The following CLNK variants were observed in gnomAD, a reference collection of about 807,000 sequenced individuals.
CLNK encodes cytokine dependent hematopoietic cell linker, also known as cytokine-dependent hematopoietic cell linker.
A neutral mutation model predicts 68.6 loss-of-function variants in CLNK; 74 were observed. That is an observed-to-expected ratio of 1.08 (90% CI 0.89 to 1.31). CLNK has a LOEUF of 1.31. Ranked by LOEUF, CLNK falls within the 50% of genes most tolerant of loss-of-function variation. The probability of loss-of-function intolerance (pLI) is 0.00; values close to 1 mark genes in which losing one functional copy is unlikely to be tolerated. For synonymous variants in CLNK, 198 were observed against 172.2 expected (o/e 1.15, Z -1.17); for missense variants, 553 against 515.3 (o/e 1.07, Z -0.71).
chr4:10,656,140 T>A (rs538007499), intron 2 of CLNK, among the ~76,000 whole-genome samples: 7 of 152,080 alleles, frequency 4.6e-5, no homozygotes, highest in Non-Finnish European at 8.8e-5. Flanking sequence ...GATCTCATGT[T>A]AAGTTTCTTT....
At chr4:10,495,028 G>A (rs1015154031) in intron 18 of CLNK, among the ~76,000 whole-genome samples, 1 of 151,896 alleles carries the variant, frequency 6.6e-6, no homozygotes. Context: ...AGGAAAGGGG[G>A]AGAAAAGAGA....
At chr4:10,643,632 C>T (rs1023096803) in intron 2 of CLNK, among the ~76,000 whole-genome samples, 74 of 152,330 alleles carry the variant, frequency 4.9e-4, no homozygotes, top group Admixed American at 4.6e-3. Flanking sequence ...AGGGGCTACG[C>T]CAGTATCCCC....
intron 1 of CLNK, among the ~76,000 whole-genome samples, chr4:10,682,654 A>C (rs1725137449): frequency 6.6e-6 from 1 of 152,210 alleles, no homozygotes; most frequent in Non-Finnish European, 1.5e-5. Flanking sequence ...GTAAAGTCAC[A>C]CACTAGATTC....
At chr4:10,584,291 C>T (rs1462845112) in intron 4 of CLNK, among the ~76,000 whole-genome samples, 1 of 152,168 alleles carries the variant, frequency 6.6e-6, no homozygotes, top group Non-Finnish European at 1.5e-5. Flanking sequence ...CCTTATGACT[C>T]CATCGCTTCT....
chr4:10,569,978 A>G (rs1367091302), intron 5 of CLNK, among the ~76,000 whole-genome samples: 1 of 152,018 alleles, frequency 6.6e-6, no homozygotes, highest in Non-Finnish European at 1.5e-5. Context: ...CCCAGGACAA[A>G]GCAAAGCAAA....
intron 18 of CLNK, among the ~76,000 whole-genome samples, chr4:10,491,833 T>C (rs1716587143): frequency 6.6e-6 from 1 of 152,132 alleles, no homozygotes; most frequent in Non-Finnish European, 1.5e-5. Flanking sequence ...GGATGAATTG[T>C]ATAATGGTGA....
chr4:10,558,342 G>A, intron 8 of CLNK, 65 bp downstream of exon 8: 1 of 1,368,182 alleles, frequency 7.3e-7, no homozygotes, highest in Non-Finnish European at 1.0e-6. Flanking sequence ...TAATGCGAGA[G>A]GATCTTAGAA....
intron 2 of CLNK, among the ~76,000 whole-genome samples, chr4:10,613,566 TCA>T (rs1491062515): frequency 6.6e-6 from 1 of 150,546 alleles, no homozygotes; most frequent in African/African-American, 2.4e-5. Flanking sequence ...TGTCAGGGTC[TCA>T]GACACAGGAA....
At chr4:10,605,689 G>A (rs867218276) in intron 2 of CLNK, among the ~76,000 whole-genome samples, 6 of 151,688 alleles carry the variant, frequency 4.0e-5, no homozygotes, top group African/African-American at 1.2e-4. Context: ...TTAGCTGGGC[G>A]TGGTGGTGCA....
intron 1 of CLNK, among the ~76,000 whole-genome samples, chr4:10,678,986 C>T (rs1462872956): frequency 6.6e-6 from 1 of 152,130 alleles, no homozygotes; most frequent in Non-Finnish European, 1.5e-5. Context: ...CTACCAATGA[C>T]TTTTTTCACT....
chr4:10,602,549 G>C (rs1162535662), intron 2 of CLNK, among the ~76,000 whole-genome samples: 1 of 152,172 alleles, frequency 6.6e-6, no homozygotes, highest in Non-Finnish European at 1.5e-5. Context: ...CGCTGGAAGA[G>C]GCAGGAAAGA....
the CLNK span, among the ~76,000 whole-genome samples, chr4:10,730,805 T>A: frequency 6.6e-6 from 1 of 151,818 alleles, no homozygotes; most frequent in Non-Finnish European, 1.5e-5. Context: ...TGTATGAGGG[T>A]TTTTTTTAAC....
At chr4:10,619,956 G>A (rs1377581785) in intron 2 of CLNK, among the ~76,000 whole-genome samples, 1 of 152,110 alleles carries the variant, frequency 6.6e-6, no homozygotes, top group Non-Finnish European at 1.5e-5. Context: ...AATCGCTGGT[G>A]GGTTTCAATG....
At chr4:10,725,065 C>T in the CLNK span, among the ~76,000 whole-genome samples, 1 of 152,108 alleles carries the variant, frequency 6.6e-6, no homozygotes, top group Non-Finnish European at 1.5e-5. Flanking sequence ...CAGTTGAGCT[C>T]ACAGTCTGTT....
intron 8 of CLNK, among the ~76,000 whole-genome samples, chr4:10,545,918 G>C (rs117659832): frequency 6.6e-6 from 1 of 152,324 alleles, no homozygotes; most frequent in East Asian, 1.9e-4. Context: ...GGGCAGCCAT[G>C]AAGTGCTGTG....
rs537172181 is a variant in CLNK at position 10,514,477 on chromosome 4, C to T, written c.773-880G>A. Among the ~76,000 whole-genome samples the T allele has an allele frequency of 3.4e-4, 50 of 146,044 alleles. No homozygotes were observed. In the South Asian group the frequency reaches 0.01, roughly 30 times the overall value. On this transcript the variant is annotated intron_variant, in intron 15 of 18. Transcript: ENST00000226951. The stretch of plus-strand genomic sequence containing the variant: ...CTACAACTATCTGATCTTTGACAAA[C>T]CTGAGAAAAACAAGCAATGGGGAAA...
At chr4:10,547,314 G>T (rs552404838) in intron 8 of CLNK, among the ~76,000 whole-genome samples, 1 of 152,158 alleles carries the variant, frequency 6.6e-6, no homozygotes, top group South Asian at 2.1e-4. Context: ...CCTCATTAAG[G>T]TATCACTGAC....
intron 11 of CLNK, among the ~76,000 whole-genome samples, chr4:10,537,734 T>C (rs551463332): frequency 1.1e-4 from 15 of 135,292 alleles, no homozygotes; most frequent in Admixed American, 3.2e-4. Flanking sequence ...TTTCTTTCTT[T>C]CTTCCTTTCT....
At chr4:10,661,221 T>C (rs974256916) in intron 2 of CLNK, among the ~76,000 whole-genome samples, 4 of 152,220 alleles carry the variant, frequency 2.6e-5, no homozygotes, top group Non-Finnish European at 5.9e-5. Flanking sequence ...TTATCATTCA[T>C]ACACACGAGA....
Sources: gnomAD v4.1 joint callset for allele counts (sites outside exome capture counted in the v4.1 genomes callset) on GRCh38, gnomAD v4.1.1 for gene constraint, MANE v1.5 for transcripts, NCBI Gene and HGNC (gene_info 2026-07-23, HGNC 2026-07-21) for gene names.